Variants in RBMS3 observed in about 807,000 individuals in gnomAD.
RBMS3 encodes RNA-binding motif, single-stranded-interacting protein 3.
Under a neutral mutation model 66.8 loss-of-function variants are expected in RBMS3, and 27 were observed. The ratio of observed to expected loss-of-function variants is 0.40; its 90% CI spans 0.30 to 0.56. RBMS3 has a LOEUF of 0.56. Ranked by LOEUF, RBMS3 falls within the 20% of genes least tolerant of loss-of-function variation. The pLI is 0.40. For missense variants in RBMS3, 513 were observed against 549.5 expected (o/e 0.93, Z 0.66); for synonymous variants, 188 against 183.0 (o/e 1.03, Z -0.22).
At chr3:29,858,392 G>A (rs1448816842) in intron 6 of RBMS3, among the ~76,000 whole-genome samples, 2 of 152,186 alleles carry the variant, frequency 1.3e-5, no homozygotes, top group East Asian at 3.9e-4. Flanking sequence ...CCAAGGAGGA[G>A]GGAGGAATGA....
At chr3:29,437,415 T>C (rs189941277) in intron 2 of RBMS3, among the ~76,000 whole-genome samples, 1 of 152,334 alleles carries the variant, frequency 6.6e-6, no homozygotes, top group Non-Finnish European at 1.5e-5. Context: ...CACAGAAACA[T>C]TGTTGAGGGA....
chr3:29,584,542 A>G (rs1559488272), intron 3 of RBMS3, among the ~76,000 whole-genome samples: 1 of 152,098 alleles, frequency 6.6e-6, no homozygotes, highest in Non-Finnish European at 1.5e-5. Flanking sequence ...CTGACTCAAC[A>G]TGTCTCAGAC....
intron 3 of RBMS3, among the ~76,000 whole-genome samples, chr3:29,545,376 AAAAC>A (rs1193042917): frequency 3.9e-5 from 6 of 152,154 alleles, no homozygotes; most frequent in Admixed American, 3.9e-4. Context: ...CTAGAATAAA[AAAAC>A]AGCAAAGGTA....
At chr3:29,776,160 C>T (rs575038752) in intron 6 of RBMS3, among the ~76,000 whole-genome samples, 71 of 152,028 alleles carry the variant, frequency 4.7e-4, no homozygotes, top group Admixed American at 3.9e-4. Flanking sequence ...AAGAAAAGAG[C>T]GCCATTCGTC....
At chr3:29,904,715 C>G (rs927252735) in intron 10 of RBMS3, among the ~76,000 whole-genome samples, 1 of 151,946 alleles carries the variant, frequency 6.6e-6, no homozygotes, top group African/African-American at 2.4e-5. Flanking sequence ...CAATTAAAAG[C>G]AGGTAATCTC....
chr3:29,613,696 A>G (rs896491485), intron 4 of RBMS3, among the ~76,000 whole-genome samples: 1 of 152,156 alleles, frequency 6.6e-6, no homozygotes, highest in Non-Finnish European at 1.5e-5. Flanking sequence ...CTGAATAGGC[A>G]TTTCTCAAAA....
chr3:29,680,835 T>A (rs1411148516), intron 4 of RBMS3, among the ~76,000 whole-genome samples: 1 of 152,228 alleles, frequency 6.6e-6, no homozygotes, highest in African/African-American at 2.4e-5. Context: ...TCAATGTTTC[T>A]ATTTTTCCTC....
At chr3:29,499,383 A>AAAAAC (rs1159059486) in intron 3 of RBMS3, among the ~76,000 whole-genome samples, 13 of 152,120 alleles carry the variant, frequency 8.5e-5, no homozygotes, top group Admixed American at 3.3e-4. Context: ...TACATAGCTG[A>AAAAAC]AAAACAAAAC....
intron 1 of RBMS3, among the ~76,000 whole-genome samples, chr3:29,334,657 TC>T (rs2035847103): frequency 6.6e-6 from 1 of 152,032 alleles, no homozygotes; most frequent in South Asian, 2.1e-4. Context: ...AAATAAATGC[TC>T]CTGCAGTTGT....
At chr3:29,413,482 A>C (rs1358912827) in intron 1 of RBMS3, among the ~76,000 whole-genome samples, 1 of 152,212 alleles carries the variant, frequency 6.6e-6, no homozygotes, top group Non-Finnish European at 1.5e-5. Flanking sequence ...TAGGAATACC[A>C]GATAATGATG....
intron 6 of RBMS3, among the ~76,000 whole-genome samples, chr3:29,836,522 A>G (rs2058512426): frequency 6.6e-6 from 1 of 151,948 alleles, no homozygotes; most frequent in Admixed American, 6.6e-5. Context: ...ATAGAAACAG[A>G]GCACAGAAGG....
intron 5 of RBMS3, among the ~76,000 whole-genome samples, chr3:29,753,549 G>C (rs1379657940): frequency 6.6e-6 from 1 of 152,202 alleles, no homozygotes; most frequent in Non-Finnish European, 1.5e-5. Flanking sequence ...CACTGTAACT[G>C]ATTTCAGCTG....
At chr3:29,674,475 C>A (rs2051147314) in intron 4 of RBMS3, among the ~76,000 whole-genome samples, 1 of 152,052 alleles carries the variant, frequency 6.6e-6, no homozygotes, top group African/African-American at 2.4e-5. Flanking sequence ...TCCCCGTTTG[C>A]AGATGACATG....
intron 1 of RBMS3, among the ~76,000 whole-genome samples, chr3:29,341,522 A>T (rs1288309051): frequency 6.6e-6 from 1 of 152,034 alleles, no homozygotes; most frequent in African/African-American, 2.4e-5. Flanking sequence ...TTTTATATTA[A>T]GTAATATAAT....
intron 8 of RBMS3, among the ~76,000 whole-genome samples, chr3:29,892,367 G>A (rs757653876): frequency 3.3e-5 from 5 of 151,444 alleles, no homozygotes; most frequent in East Asian, 1.9e-4. Context: ...TGCTACTACC[G>A]TTCAGGACTC....
chr3:29,513,490 T>A (rs1211175815), intron 3 of RBMS3, among the ~76,000 whole-genome samples: 1 of 152,104 alleles, frequency 6.6e-6, no homozygotes, highest in Non-Finnish European at 1.5e-5. Flanking sequence ...AGTTGTATGG[T>A]CACAATAGTC....
At chr3:29,575,185 T>G (rs2047076689) in intron 3 of RBMS3, among the ~76,000 whole-genome samples, 1 of 152,178 alleles carries the variant, frequency 6.6e-6, no homozygotes, top group Non-Finnish European at 1.5e-5. Context: ...GGTCTGGTGT[T>G]GATAAAATCC....
At chr3:29,798,285 G>GGAAGA (rs1212425170) in intron 6 of RBMS3, among the ~76,000 whole-genome samples, 2 of 105,266 alleles carry the variant, frequency 1.9e-5, no homozygotes. Context: ...GGAAGGGAAG[G>GGAAGA]GAAGAGAAGG....
intron 6 of RBMS3, among the ~76,000 whole-genome samples, chr3:29,769,728 G>T (rs952599573): frequency 1.3e-5 from 2 of 151,720 alleles, no homozygotes; most frequent in Admixed American, 1.3e-4. Flanking sequence ...ATACTCTTTG[G>T]AGTTGTATAG....
Sources: gnomAD v4.1 joint callset for allele counts (sites outside exome capture counted in the v4.1 genomes callset) on GRCh38, gnomAD v4.1.1 for gene constraint, MANE v1.5 for transcripts, NCBI Gene and HGNC (gene_info 2026-07-23, HGNC 2026-07-21) for gene names.